Variants in EYS observed in about 807,000 individuals in gnomAD.
The protein encoded by EYS is EGF-like photoreceptor maintenance factor.
A neutral mutation model predicts 282.1 loss-of-function variants in EYS; 250 were observed. The observed-to-expected ratio is 0.89, with a 90% confidence interval of 0.80 to 0.98. The LOEUF is 0.98. Among genes scored for constraint, EYS ranks in the 50% least tolerant of loss-of-function variants. EYS has a pLI of 0.00. For synonymous variants in EYS, 1,355 were observed against 1,282.9 expected (o/e 1.06, Z -1.20); for missense variants, 4,016 against 3,709.0 (o/e 1.08, Z -2.15).
intron 28 of EYS, among the ~76,000 whole-genome samples, chr6:64,416,929 G>A (rs1205107541): frequency 6.6e-6 from 1 of 152,060 alleles, no homozygotes; most frequent in South Asian, 2.1e-4. Context: ...CTGATCCTCA[G>A]TAAACCCAGG....
At chr6:64,740,251 A>G (rs1216000360) in intron 22 of EYS, among the ~76,000 whole-genome samples, 2 of 152,170 alleles carry the variant, frequency 1.3e-5, no homozygotes, top group Non-Finnish European at 2.9e-5. Context: ...ATCTTGAAAT[A>G]CTTTATTCTA....
At chr6:63,828,914 T>C (rs1771547850) in intron 36 of EYS, among the ~76,000 whole-genome samples, 1 of 152,350 alleles carries the variant, frequency 6.6e-6, no homozygotes, top group Non-Finnish European at 1.5e-5. Flanking sequence ...TAGAAAACTG[T>C]GTGGAGATTC....
At position 64,912,573 on chromosome 6, in the gene EYS, T is replaced by C; in HGVS notation, c.2552A>G (p.Asn851Ser). The change falls in exon 16 of 43, where the codon AAC (asparagine) becomes AGC (serine). Residue 851 changes from asparagine to serine, a missense_variant. Physicochemically the swap from Asn to Ser is conservative, Grantham distance 46 (BLOSUM62 1). Coordinates refer to ENST00000503581, the MANE Select transcript of EYS (RefSeq NM_001142800.2). ...AGGGTTATGAAGTAGGTCACAAAGGTTATAGCGTTGGTGGCAAAATTGTCC... is the reference window on the plus strand; with the variant it reads ...AGGGTTATGAAGTAGGTCACAAAGGCTATAGCGTTGGTGGCAAAATTGTCC... ...YTGQFCHQRY[N>S]LCDLLHNPCR... is the part of the protein sequence containing the mutation. 1 of 1,551,170 alleles carries C rather than the reference T, an allele frequency of 6.4e-7. No individual in the cohort carries two copies.
chr6:63,864,780 G>A (rs1396816597), intron 35 of EYS, among the ~76,000 whole-genome samples: 1 of 152,112 alleles, frequency 6.6e-6, no homozygotes, highest in Non-Finnish European at 1.5e-5. Flanking sequence ...TCCCCACTCT[G>A]AGGACAAAGT....
At chr6:65,621,457 G>T (rs1685305918) in intron 2 of EYS, among the ~76,000 whole-genome samples, 1 of 150,446 alleles carries the variant, frequency 6.6e-6, no homozygotes, top group Non-Finnish European at 1.5e-5. Context: ...CTCTGCACGT[G>T]AGATGGGTTT....
chr6:65,522,417 G>A (rs567448327), intron 2 of EYS, among the ~76,000 whole-genome samples: 18 of 152,128 alleles, frequency 1.2e-4, no homozygotes, highest in Non-Finnish European at 2.1e-4. Flanking sequence ...CCTGGGTAAT[G>A]AAGTGAGACA....
intron 5 of EYS, among the ~76,000 whole-genome samples, chr6:65,426,917 T>C (rs1054458610): frequency 3.9e-5 from 6 of 152,114 alleles, no homozygotes; most frequent in African/African-American, 1.4e-4. Flanking sequence ...TTAAACTTTA[T>C]GGATTTTTAA....
chr6:64,035,235 T>C (rs1231737839), intron 33 of EYS, among the ~76,000 whole-genome samples: 2 of 152,230 alleles, frequency 1.3e-5, no homozygotes, highest in Non-Finnish European at 2.9e-5. Context: ...TTTTTCTTCA[T>C]CTAGGATTAT....
At chr6:64,086,725 A>G (rs1335081930) in intron 31 of EYS, among the ~76,000 whole-genome samples, 1 of 152,186 alleles carries the variant, frequency 6.6e-6, no homozygotes, top group African/African-American at 2.4e-5. Context: ...TGGCATAAAT[A>G]TAGAATTGAT....
At chr6:64,232,646 C>T (rs987262088) in intron 30 of EYS, among the ~76,000 whole-genome samples, 12 of 147,476 alleles carry the variant, frequency 8.1e-5, no homozygotes, top group Non-Finnish European at 1.5e-4. Flanking sequence ...CAGCCTCGGC[C>T]CCCCCAGAGC....
intron 19 of EYS, among the ~76,000 whole-genome samples, chr6:64,846,825 T>C (rs1765730562): frequency 6.6e-6 from 1 of 152,148 alleles, no homozygotes; most frequent in South Asian, 2.1e-4. Flanking sequence ...AATTATTGTT[T>C]TTTATTAGTT....
intron 31 of EYS, among the ~76,000 whole-genome samples, chr6:64,187,106 T>C (rs924541328): frequency 3.3e-5 from 5 of 152,132 alleles, no homozygotes; most frequent in Admixed American, 3.3e-4. Context: ...TGTCTAGATA[T>C]GGAGATATTT....
intron 33 of EYS, among the ~76,000 whole-genome samples, chr6:64,053,208 C>G (rs184370488): frequency 6.6e-6 from 1 of 151,874 alleles, no homozygotes; most frequent in Admixed American, 6.6e-5. Flanking sequence ...TAGAATAAAA[C>G]TTTTGCTAAA....
intron 12 of EYS, among the ~76,000 whole-genome samples, chr6:65,119,713 CAA>C (rs1398523265): frequency 7.2e-6 from 1 of 139,064 alleles, no homozygotes; most frequent in East Asian, 2.1e-4. Flanking sequence ...TAAAAACAAA[CAA>C]AAATAGCTAG....
intron 12 of EYS, among the ~76,000 whole-genome samples, chr6:65,228,644 T>A (rs1331270253): frequency 1.8e-4 from 28 of 152,168 alleles, no homozygotes; most frequent in Non-Finnish European, 3.5e-4. Flanking sequence ...ATAGTCCCAG[T>A]GAAAATCCTA....
Position 63,721,787 on chromosome 6 carries a change from T to TA in EYS, c.8243dup (p.Leu2748PhefsTer8), listed in dbSNP as rs1240944758. 16 of 1,540,606 alleles carry TA rather than the reference T, an allele frequency of 1.0e-5. No homozygotes were observed. Among genetic ancestry groups the TA allele is most frequent in the East Asian group, 4.9e-5 (2 of 40,812 alleles). On this transcript the variant is annotated frameshift_variant, in exon 43 of 43. Coordinates refer to ENST00000503581, the MANE Select transcript of EYS (RefSeq NM_001142800.2). LOFTEE classifies it low-confidence loss of function (END_TRUNC). ...CGGAACTATTTACTAAAGAGATGCA[T>TA]AAAAAATCACCTGCAAGAAAGCAAA...
At chr6:64,173,616 TGG>T (rs1764544634) in intron 31 of EYS, among the ~76,000 whole-genome samples, 1 of 152,198 alleles carries the variant, frequency 6.6e-6, no homozygotes, top group East Asian at 1.9e-4. Context: ...TATTTTTTAG[TGG>T]TACTACCAAC....
chr6:64,812,188 A>T (rs1764617476), intron 22 of EYS, among the ~76,000 whole-genome samples: 1 of 151,950 alleles, frequency 6.6e-6, no homozygotes, highest in South Asian at 2.1e-4. Flanking sequence ...CAAAAGTACG[A>T]TAAACAGAAA....
intron 32 of EYS, among the ~76,000 whole-genome samples, chr6:64,080,788 T>C (rs1771939066): frequency 6.6e-6 from 1 of 152,018 alleles, no homozygotes; most frequent in Non-Finnish European, 1.5e-5. Context: ...TAGCCAGTTT[T>C]CCCAGCACCA....
Sources: gnomAD v4.1 joint callset for allele counts (sites outside exome capture counted in the v4.1 genomes callset) on GRCh38, gnomAD v4.1.1 for gene constraint, MANE v1.5 for transcripts, NCBI Gene and HGNC (gene_info 2026-07-23, HGNC 2026-07-21) for gene names.